The following FARS2 variants were observed in gnomAD, a reference collection of about 807,000 sequenced individuals.
FARS2 encodes phenylalanine--tRNA ligase, mitochondrial.
Under a neutral mutation model 46.4 loss-of-function variants are expected in FARS2, and 40 were observed. The observed-to-expected ratio is 0.86, with a 90% CI of 0.67 to 1.12. The LOEUF is 1.12. Among genes scored for constraint, FARS2 ranks in the 50% most tolerant of loss-of-function variants. The pLI is 0.00. For synonymous variants in FARS2, 234 were observed against 214.9 expected (o/e 1.09, Z -0.78); for missense variants, 513 against 567.9 (o/e 0.90, Z 0.98).
chr6:5,260,760 T>A (rs369579553), upstream of FARS2: 30 of 1,538,684 alleles, frequency 1.9e-5, no homozygotes, highest in African/African-American at 3.9e-4. Context: ...AATAAACGGG[T>A]CCTCTTCGCC....
At chr6:5,728,716 AC>A (rs1338850181) in intron 6 of FARS2, among the ~76,000 whole-genome samples, 1 of 152,232 alleles carries the variant, frequency 6.6e-6, no homozygotes, top group South Asian at 2.1e-4. Flanking sequence ...GGTTTAGAGT[AC>A]TAGAAGTGGC....
chr6:5,367,855 T>C (rs754371190), intron 1 of FARS2, among the ~76,000 whole-genome samples: 6 of 152,214 alleles, frequency 3.9e-5, no homozygotes, highest in Non-Finnish European at 8.8e-5. Context: ...TCCATTGATA[T>C]AGTCTATCAC....
chr6:5,308,988 G>T (rs1768912258), intron 1 of FARS2, among the ~76,000 whole-genome samples: 1 of 152,064 alleles, frequency 6.6e-6, no homozygotes, highest in Admixed American at 6.6e-5. Context: ...ATTCATAAGG[G>T]CTTTGCCCCC....
intron 6 of FARS2, among the ~76,000 whole-genome samples, chr6:5,678,215 C>T (rs1045230094): frequency 2.0e-5 from 3 of 152,156 alleles, no homozygotes; most frequent in South Asian, 4.2e-4. Flanking sequence ...CTCCCACGTC[C>T]CCTCCCCTTA....
chr6:5,587,522 C>A (rs1224428577), intron 5 of FARS2, among the ~76,000 whole-genome samples: 1 of 152,180 alleles, frequency 6.6e-6, no homozygotes, highest in Non-Finnish European at 1.5e-5. Context: ...GCTTTAGAAG[C>A]CATCTTTCCA....
At position 5,297,274 on chromosome 6, in the gene FARS2, T is replaced by C. The variant is rs115343278; in HGVS notation, c.-22+35614T>C. 4.3e-3 allele frequency among the ~76,000 whole-genome samples: 649 copies of C among 152,284 alleles called. 2 individuals carry two copies. The highest frequency in any genetic ancestry group is 0.015 in the African/African-American group (613 of 41,558). The stretch of plus-strand genomic sequence containing the variant: ...GAGGGCCCCTGCCTCATAGCATCAG[T>C]GATTCAGAGCCTGCCTTCAGAGTTC... On this transcript the variant is annotated intron_variant, in intron 1 of 6. Transcript: ENST00000274680.
Position 5,338,748 on chromosome 6 carries a change from T to C in FARS2, c.-21-29802T>C, listed in dbSNP as rs185703243. Among the ~76,000 whole-genome samples, 3 of 152,330 alleles carry C rather than the reference T, an allele frequency of 2.0e-5. No homozygotes were observed. The East Asian group carries it at 5.8e-4, about 29-fold the overall frequency. On this transcript the variant is annotated intron_variant, in intron 1 of 6. Coordinates refer to ENST00000274680, the MANE Select transcript of FARS2 (RefSeq NM_006567.5). ...TGTTTACAGTTTGGCACAGTTTTCATGGCTATATCACATTCTCCGTGAATC... is the reference window on the plus strand; with the variant it reads ...TGTTTACAGTTTGGCACAGTTTTCACGGCTATATCACATTCTCCGTGAATC...
intron 6 of FARS2, among the ~76,000 whole-genome samples, chr6:5,760,662 T>C (rs1186276738): frequency 6.6e-6 from 1 of 152,238 alleles, no homozygotes; most frequent in East Asian, 1.9e-4. Context: ...ATTTCTGTAC[T>C]CTACCGTCTG....
At chr6:5,662,830 CA>C (rs1340378321) in intron 6 of FARS2, among the ~76,000 whole-genome samples, 11 of 152,270 alleles carry the variant, frequency 7.2e-5, no homozygotes, top group Middle Eastern at 3.4e-3. Flanking sequence ...TGGCAGGTTA[CA>C]ATTTCTTTGT....
intron 4 of FARS2, among the ~76,000 whole-genome samples, chr6:5,489,506 A>G (rs1766973761): frequency 6.6e-6 from 1 of 152,178 alleles, no homozygotes; most frequent in African/African-American, 2.4e-5. Context: ...GGAAGGTGAC[A>G]TTTGATGTTT....
At chr6:5,692,593 G>A (rs1176634005) in intron 6 of FARS2, among the ~76,000 whole-genome samples, 1 of 152,180 alleles carries the variant, frequency 6.6e-6, no homozygotes, top group Non-Finnish European at 1.5e-5. Flanking sequence ...ATAGGCAAAA[G>A]CTAATGGGCT....
intron 6 of FARS2, among the ~76,000 whole-genome samples, chr6:5,618,939 C>T (rs1320596329): frequency 1.3e-5 from 2 of 152,192 alleles, no homozygotes; most frequent in Non-Finnish European, 2.9e-5. Context: ...CTTGATATCC[C>T]CTCCATCACA....
chr6:5,409,605 A>T (rs1170437235), intron 3 of FARS2, among the ~76,000 whole-genome samples: 3 of 152,216 alleles, frequency 2.0e-5, no homozygotes, highest in Non-Finnish European at 4.4e-5. Flanking sequence ...TAAATGTTCA[A>T]ATTCACTTTT....
chr6:5,667,262 G>A (rs879640977), intron 6 of FARS2, among the ~76,000 whole-genome samples: 1 of 152,202 alleles, frequency 6.6e-6, no homozygotes, highest in Non-Finnish European at 1.5e-5. Context: ...GCTCACGCCT[G>A]TAATCCCAGC....
intron 4 of FARS2, among the ~76,000 whole-genome samples, chr6:5,515,744 A>G (rs534695333): frequency 6.6e-6 from 1 of 152,050 alleles, no homozygotes; most frequent in Non-Finnish European, 1.5e-5. Context: ...TTTGATTTTG[A>G]CTGTGTGTTT....
chr6:5,384,151 A>G (rs994888386), intron 2 of FARS2, among the ~76,000 whole-genome samples: 1 of 152,116 alleles, frequency 6.6e-6, no homozygotes, highest in East Asian at 1.9e-4. Context: ...TTTAATTTCC[A>G]TGTAATTTGT....
chr6:5,263,612 T>C (rs1265979435), intron 1 of FARS2, among the ~76,000 whole-genome samples: 2 of 152,248 alleles, frequency 1.3e-5, no homozygotes, highest in Non-Finnish European at 2.9e-5. Flanking sequence ...ATAGTCATTC[T>C]ATTCTGGGTT....
At chr6:5,543,764 A>G (rs1309718169) in intron 4 of FARS2, among the ~76,000 whole-genome samples, 1 of 150,912 alleles carries the variant, frequency 6.6e-6, no homozygotes, top group South Asian at 2.1e-4. Context: ...TCCAGAATCC[A>G]CTCCTCAGCC....
intron 6 of FARS2, among the ~76,000 whole-genome samples, chr6:5,613,987 T>C (rs1775325645): frequency 6.6e-6 from 1 of 151,570 alleles, no homozygotes; most frequent in Non-Finnish European, 1.5e-5. Flanking sequence ...ATGGGAGTCC[T>C]GGGGGGAAAA....
Sources: allele counts gnomAD v4.1 joint callset (sites outside exome capture counted in the v4.1 genomes callset), GRCh38; gene constraint gnomAD v4.1.1; transcripts MANE v1.5; gene names NCBI Gene and HGNC (gene_info 2026-07-23, HGNC 2026-07-21).